The following HCN1 variants were observed in gnomAD, a reference collection of about 807,000 sequenced individuals.
The protein encoded by HCN1 is potassium/sodium hyperpolarization-activated cyclic nucleotide-gated channel 1.
In HCN1, 13 loss-of-function variants were observed where a neutral mutation model predicts 78.9. That is an observed-to-expected ratio of 0.16 (90% CI 0.11 to 0.26). The LOEUF (loss-of-function observed/expected upper bound fraction) is 0.26, where lower values mean the gene tolerates loss of function less well. HCN1 is among the 10% of genes least tolerant of loss of function. The pLI, the probability that HCN1 is intolerant of heterozygous loss-of-function variation, is 1.00. For missense variants in HCN1, 810 were observed against 1,154.3 expected, an observed-to-expected ratio of 0.70 and a Z score of 4.32; for synonymous variants, 552 against 455.5, an observed-to-expected ratio of 1.21 and a Z score of -2.70.
intron 2 of HCN1, among the ~76,000 whole-genome samples, chr5:45,612,829 A>T (rs1744864750): frequency 6.6e-6 from 1 of 152,186 alleles, no homozygotes; most frequent in Non-Finnish European, 1.5e-5. Context: ...AGAGGTACTT[A>T]GCTCTCCCAA....
At chr5:45,494,063 G>C (rs952336367) in intron 2 of HCN1, among the ~76,000 whole-genome samples, 2 of 151,940 alleles carry the variant, frequency 1.3e-5, no homozygotes, top group Admixed American at 6.6e-5. Flanking sequence ...ATAAACATAC[G>C]TGTGCATGTG....
intron 2 of HCN1, among the ~76,000 whole-genome samples, chr5:45,603,923 G>C (rs1041240391): frequency 3.5e-4 from 53 of 151,940 alleles, no homozygotes. Flanking sequence ...TTATTGAATA[G>C]GTTTATTTCC....
intron 4 of HCN1, among the ~76,000 whole-genome samples, chr5:45,372,078 ATAATATAATTATATATATATTT>A (rs1747392421): frequency 3.3e-5 from 2 of 60,284 alleles, no homozygotes; most frequent in African/African-American, 1.8e-4. Context: ...TATATTATAT[ATAATATAATTATATATATATTT>A]TATATATAAT....
chr5:45,353,084 G>C lies in HCN1; in HGVS notation c.1377+16C>G. On this transcript the variant is annotated intron_variant, in intron 5 of 7. Coordinates refer to ENST00000303230, the MANE Select transcript of HCN1 (RefSeq NM_021072.4). ...AATGATTATGTATTATGCATACTGA[G>C]GACAATAAATCTTACCTCTCTCAGA... is the stretch of plus-strand genomic sequence containing the variant. The C allele has an allele frequency of 6.3e-7, 1 of 1,594,586 alleles. No homozygotes were observed.
At chr5:45,325,075 A>G (rs1233129247) in intron 5 of HCN1, among the ~76,000 whole-genome samples, 1 of 151,664 alleles carries the variant, frequency 6.6e-6, no homozygotes, top group African/African-American at 2.4e-5. Context: ...AACAGAATGT[A>G]CTCAGGATTA....
intron 2 of HCN1, among the ~76,000 whole-genome samples, chr5:45,484,071 T>A (rs1579922899): frequency 6.6e-6 from 1 of 152,198 alleles, no homozygotes; most frequent in Non-Finnish European, 1.5e-5. Flanking sequence ...GGCTTTGTTC[T>A]TTCTGCTTAG....
intron 3 of HCN1, among the ~76,000 whole-genome samples, chr5:45,447,511 G>A (rs1201102103): frequency 2.0e-5 from 3 of 152,160 alleles, no homozygotes; most frequent in Non-Finnish European, 4.4e-5. Flanking sequence ...TCAAAGTGCT[G>A]CGATTACAGG....
chr5:45,339,438 A>G (rs905352636), intron 5 of HCN1, among the ~76,000 whole-genome samples: 1 of 152,160 alleles, frequency 6.6e-6, no homozygotes, highest in Admixed American at 6.6e-5. Context: ...GGCCATCAAT[A>G]GCATTTATTT....
intron 3 of HCN1, among the ~76,000 whole-genome samples, chr5:45,422,380 G>T (rs947185355): frequency 7.9e-5 from 12 of 151,994 alleles, no homozygotes; most frequent in Non-Finnish European, 1.6e-4. Flanking sequence ...TTTTGTTGTA[G>T]AGGTGTCAGC....
At chr5:45,650,123 G>A (rs997229318) in intron 1 of HCN1, among the ~76,000 whole-genome samples, 15 of 152,080 alleles carry the variant, frequency 9.9e-5, no homozygotes, top group Non-Finnish European at 2.2e-4. Flanking sequence ...TTTGAAGGCA[G>A]ACCAGAGTTA....
At chr5:45,501,545 C>T (rs927348284) in intron 2 of HCN1, among the ~76,000 whole-genome samples, 39 of 152,038 alleles carry the variant, frequency 2.6e-4, no homozygotes, top group African/African-American at 9.4e-4. Flanking sequence ...AGCTATTCTC[C>T]TACCTCAGCC....
chr5:45,648,578 T>C (rs2112036878), intron 1 of HCN1, among the ~76,000 whole-genome samples: 1 of 152,206 alleles, frequency 6.6e-6, no homozygotes, highest in South Asian at 2.1e-4. Context: ...GTTCTAGAAG[T>C]GCAATATACC....
intron 2 of HCN1, among the ~76,000 whole-genome samples, chr5:45,469,745 C>T (rs75299220): frequency 0.014 from 2,129 of 151,626 alleles, 51 homozygotes; most frequent in African/African-American, 0.048. Context: ...GTAGTTCTTA[C>T]ACATTAAAAA....
intron 3 of HCN1, among the ~76,000 whole-genome samples, chr5:45,423,766 G>A (rs1317094047): frequency 6.6e-6 from 1 of 152,088 alleles, no homozygotes; most frequent in Non-Finnish European, 1.5e-5. Flanking sequence ...ATGGGATAGA[G>A]GTTCAATAAA....
At chr5:45,327,877 C>T (rs1051169821) in intron 5 of HCN1, among the ~76,000 whole-genome samples, 1 of 151,596 alleles carries the variant, frequency 6.6e-6, no homozygotes, top group African/African-American at 2.4e-5. Context: ...CTGCCAATAC[C>T]TCGATCTCAG....
At chr5:45,601,945 A>C (rs1404318822) in intron 2 of HCN1, among the ~76,000 whole-genome samples, 5 of 152,010 alleles carry the variant, frequency 3.3e-5, no homozygotes, top group Non-Finnish European at 7.4e-5. Flanking sequence ...GACCAGGTGG[A>C]GATAATTGAA....
At chr5:45,342,814 A>T (rs1278914603) in intron 5 of HCN1, among the ~76,000 whole-genome samples, 3 of 152,212 alleles carry the variant, frequency 2.0e-5, no homozygotes, top group Non-Finnish European at 2.9e-5. Flanking sequence ...TATAGTAAAC[A>T]TACTAGGAAT....
chr5:45,289,425 T>C (rs1193628127), intron 6 of HCN1, among the ~76,000 whole-genome samples: 2 of 152,106 alleles, frequency 1.3e-5, no homozygotes, highest in Non-Finnish European at 2.9e-5. Flanking sequence ...GACATTTATG[T>C]CACTTTTGTC....
intron 2 of HCN1, among the ~76,000 whole-genome samples, chr5:45,601,074 G>A (rs1744612048): frequency 6.6e-6 from 1 of 152,032 alleles, no homozygotes; most frequent in Admixed American, 6.6e-5. Context: ...CTAGTCTCTA[G>A]CCAACTATCA....
Sources: allele counts gnomAD v4.1 joint callset (sites outside exome capture counted in the v4.1 genomes callset), GRCh38; gene constraint gnomAD v4.1.1; transcripts MANE v1.5; gene names NCBI Gene and HGNC (gene_info 2026-07-23, HGNC 2026-07-21).